MIA2: variants seen among roughly 807,000 people sequenced by gnomAD.
The protein encoded by MIA2 is MIA SH3 domain ER export factor 2, also known as melanoma inhibitory activity protein 2.
A neutral mutation model predicts 167.8 loss-of-function variants in MIA2; 127 were observed. The observed-to-expected ratio is 0.76, with a 90% CI of 0.66 to 0.88. The LOEUF (loss-of-function observed/expected upper bound fraction) is 0.88. Among genes scored for constraint, MIA2 ranks in the 40% least tolerant of loss-of-function variants. The pLI is 0.00. For missense variants in MIA2, 1,690 were observed against 1,624.7 expected (o/e 1.04, Z -0.69); for synonymous variants, 552 against 541.9 (o/e 1.02, Z -0.26).
chr14:39,243,642 G>A (rs1371551484), intron 3 of MIA2, among the ~76,000 whole-genome samples: 3 of 152,338 alleles, frequency 2.0e-5, no homozygotes, highest in South Asian at 4.1e-4. Context: ...AAGGCAGGTG[G>A]ATCATCTGAG....
chr14:39,263,746 C>A (rs2152661200), intron 6 of MIA2, among the ~76,000 whole-genome samples: 1 of 151,652 alleles, frequency 6.6e-6, no homozygotes, highest in Admixed American at 6.6e-5. Flanking sequence ...ATTTTCCTGC[C>A]TTAGCTTCCC....
At chr14:39,322,041 T>G (rs945088819) in intron 24 of MIA2, among the ~76,000 whole-genome samples, 1 of 152,168 alleles carries the variant, frequency 6.6e-6, no homozygotes, top group Non-Finnish European at 1.5e-5. Context: ...CCTCCCAAAG[T>G]GCTGGGATTA....
chr14:39,258,375 T>A (rs1355705644), intron 6 of MIA2, among the ~76,000 whole-genome samples: 1 of 152,206 alleles, frequency 6.6e-6, no homozygotes, highest in African/African-American at 2.4e-5. Flanking sequence ...CTTGATTGAT[T>A]TAGCTATTGA....
chr14:39,312,755 T>C (rs1469833869), intron 18 of MIA2, among the ~76,000 whole-genome samples: 1 of 152,194 alleles, frequency 6.6e-6, no homozygotes, highest in Non-Finnish European at 1.5e-5. Context: ...ATAATACATG[T>C]AGAAGTCTGA....
At chr14:39,244,416 C>T (rs1054353907) in intron 3 of MIA2, among the ~76,000 whole-genome samples, 1 of 152,082 alleles carries the variant, frequency 6.6e-6, no homozygotes, top group Non-Finnish European at 1.5e-5. Context: ...GAGATTGAGG[C>T]ATAGAAAGAT....
intron 25 of MIA2, among the ~76,000 whole-genome samples, chr14:39,338,610 ATTTTAACAGAAATATGTC>A (rs2071043290): frequency 6.6e-6 from 1 of 152,252 alleles, no homozygotes. Flanking sequence ...CACAATTAAA[ATTTTAACAGAAATATGTC>A]CTGGGAATAA....
chr14:39,317,156 A>G (rs562525568), intron 21 of MIA2, among the ~76,000 whole-genome samples: 1 of 152,256 alleles, frequency 6.6e-6, no homozygotes, highest in Non-Finnish European at 1.5e-5. Flanking sequence ...CAGGCAGGAA[A>G]ACCCAAGGAA....
At chr14:39,362,179 G>C (rs2074696843) in intron 23 of MIA2, among the ~76,000 whole-genome samples, 1 of 152,100 alleles carries the variant, frequency 6.6e-6, no homozygotes, top group African/African-American at 2.4e-5. Context: ...TCTGGTTTTG[G>C]TATCAGAATA....
In MIA2 at chr14:39,350,378, A is replaced by G. The variant is rs1482188685; in HGVS notation, c.*114A>G. The G allele has an allele frequency of 1.9e-6, 1 of 522,368 alleles. No homozygotes were observed. The highest frequency in any genetic ancestry group is 3.4e-6 in the Non-Finnish European group (1 of 290,922). 32.4% of individuals were successfully genotyped at this position (522,368 alleles called of 1,614,324 possible). On this transcript the variant is annotated 3_prime_UTR_variant, in exon 29 of 29. Transcript: ENST00000640607. ...TCAAATTGAAGCTTAATGGAATTAT[A>G]ATTCTCAGGATAGTATTTTGTAAAT... is the stretch of plus-strand genomic sequence containing the variant.
At chr14:39,286,762 C>G (rs1566738086) in intron 9 of MIA2, among the ~76,000 whole-genome samples, 1 of 144,554 alleles carries the variant, frequency 6.9e-6, no homozygotes, top group Admixed American at 7.0e-5. Context: ...AGTGCAATCT[C>G]AGCTCACTGC....
intron 13 of MIA2, among the ~76,000 whole-genome samples, chr14:39,298,413 T>TTATATATGTATATATATA (rs1555375665): frequency 3.4e-4 from 9 of 26,152 alleles, no homozygotes; most frequent in African/African-American, 1.2e-3. Flanking sequence ...TGATTCTGTT[T>TTATATATGTATATATATA]TATATATATA....
intron 16 of MIA2, 32 bp downstream of exon 16, chr14:39,303,556 G>C (rs777997007): frequency 6.5e-7 from 1 of 1,547,298 alleles, no homozygotes; most frequent in Admixed American, 1.8e-5. Flanking sequence ...AAAAGAATAA[G>C]GAGGAAGAAA....
chr14:39,372,897 AC>A (rs1305191148), intron 23 of MIA2, among the ~76,000 whole-genome samples: 2 of 152,202 alleles, frequency 1.3e-5, no homozygotes, highest in Non-Finnish European at 2.9e-5. Flanking sequence ...AGCAATTCCT[AC>A]TGAAATTGAG....
At chr14:39,256,002 T>C (rs2054799890) in intron 6 of MIA2, among the ~76,000 whole-genome samples, 1 of 152,232 alleles carries the variant, frequency 6.6e-6, no homozygotes, top group Non-Finnish European at 1.5e-5. Context: ...AAACTGGCTT[T>C]GTATTGTCTA....
At chr14:39,267,308 C>G (rs2055973820) in intron 6 of MIA2, 1 of 1,485,034 alleles carries the variant, frequency 6.7e-7, no homozygotes, top group African/African-American at 1.4e-5. Flanking sequence ...CCCCTGTCCC[C>G]CAGCTCCCCC....
Position 39,302,043 on chromosome 14 carries a change from T to C in MIA2, c.2620-86T>C, listed in dbSNP as rs1466292441. 2.1e-6 allele frequency: 3 copies of C among 1,428,650 alleles called. No homozygotes were observed. In the African/African-American group the frequency reaches 4.3e-5, roughly 20 times the overall value. 88.5% of individuals were successfully genotyped at this position (1,428,650 alleles called of 1,614,324 possible). Reference sequence around the variant, plus strand: ...GTTGTTATTTATGTGGACTGATTTTTAAACTATAACTGTACATTCACAAGT... The same window carrying C: ...GTTGTTATTTATGTGGACTGATTTTCAAACTATAACTGTACATTCACAAGT... On this transcript the variant is annotated intron_variant, in intron 14 of 28. Transcript: ENST00000640607.
downstream of MIA2, among the ~76,000 whole-genome samples, chr14:39,352,128 TTTTTTG>T (rs2074403762): frequency 1.3e-5 from 2 of 152,138 alleles, no homozygotes; most frequent in African/African-American, 4.8e-5. Flanking sequence ...TTTCTTCTTC[TTTTTTG>T]TCTCCTCAAA....
chr14:39,317,840 T>C lies in MIA2; in HGVS notation c.3217-104T>C, dbSNP rs769562375. The C allele has an allele frequency of 2.0e-5, 13 of 666,210 alleles. No homozygotes were observed. In the Middle Eastern group the frequency reaches 1.4e-3, roughly 72 times the overall value. The allele number at this position is 666,210 out of a possible 1,614,324, so 41.3% of individuals were successfully genotyped here. On this transcript the variant is annotated intron_variant, in intron 21 of 28. Transcript: ENST00000640607. ...TGATTTGTATACCATTGTTGTGATATATATATATTTTTAAGAAATTTAATG... is the reference window on the plus strand; with the variant it reads ...TGATTTGTATACCATTGTTGTGATACATATATATTTTTAAGAAATTTAATG...
intron 2 of MIA2, among the ~76,000 whole-genome samples, chr14:39,239,864 C>T (rs1052117277): frequency 6.6e-6 from 1 of 152,132 alleles, no homozygotes; most frequent in African/African-American, 2.4e-5. Flanking sequence ...AACTGGAGAG[C>T]TGGACAAATC....
Sources: allele counts gnomAD v4.1 joint callset (sites outside exome capture counted in the v4.1 genomes callset), GRCh38; gene constraint gnomAD v4.1.1; transcripts MANE v1.5; gene names NCBI Gene and HGNC (gene_info 2026-07-23, HGNC 2026-07-21).